Variants in ADAM23 observed in about 807,000 individuals in gnomAD.
ADAM23 encodes ADAM metallopeptidase domain 23, also known as disintegrin and metalloproteinase domain-containing protein 23.
A neutral mutation model predicts 120.1 loss-of-function variants in ADAM23; 33 were observed. The observed-to-expected ratio is 0.27, with a 90% confidence interval of 0.21 to 0.37. ADAM23 has a LOEUF of 0.37. Ranked by LOEUF, ADAM23 falls within the 10% of genes least tolerant of loss-of-function variation. The probability of loss-of-function intolerance (pLI) is 1.00; values close to 1 mark genes in which losing one functional copy is unlikely to be tolerated. For synonymous variants in ADAM23, 367 were observed against 375.2 expected (o/e 0.98, Z 0.25); for missense variants, 862 against 1,058.2 (o/e 0.81, Z 2.57).
intron 3 of ADAM23, among the ~76,000 whole-genome samples, chr2:206,483,530 A>G (rs1695940971): frequency 6.6e-6 from 1 of 152,142 alleles, no homozygotes; most frequent in African/African-American, 2.4e-5. Context: ...AGGAGACAGA[A>G]GCTGAGAAGA....
At chr2:206,497,706 T>A (rs1177638883) in intron 3 of ADAM23, among the ~76,000 whole-genome samples, 1 of 152,140 alleles carries the variant, frequency 6.6e-6, no homozygotes, top group Non-Finnish European at 1.5e-5. Context: ...ATAGAGGAAG[T>A]CAAGTTGTCC....
chr2:206,609,959 G>A lies in ADAM23; in HGVS notation c.2409G>A (p.Leu803=). The change falls in exon 25 of 26, where the codon CTG becomes CTA. Residue 803 remains leucine (L), a synonymous_variant. Coordinates refer to ENST00000264377, the MANE Select transcript of ADAM23 (RefSeq NM_003812.4). ...LIIGSIAGAI[L]VAAIVLGGTG... ...TAGGCTCCATCGCTGGTGCCATCCT[G>A]GTAGCAGCTATTGTCCTTGGGGGCA... is the stretch of plus-strand genomic sequence containing the variant. 2 of 1,598,340 alleles carry A rather than the reference G, an allele frequency of 1.3e-6. No homozygotes were observed. The highest frequency in any genetic ancestry group is 1.7e-4 in the Middle Eastern group (1 of 6,020).
Position 206,464,193 on chromosome 2 carries a change from G to A in ADAM23, c.433-17039G>A, listed in dbSNP as rs114108438. The stretch of plus-strand genomic sequence containing the variant: ...GATTATATTTAACTGTTGAAAGAAC[G>A]AAACTTCCCATTTTTGTTTGCATCA... On this transcript the variant is annotated intron_variant, in intron 2 of 25. Transcript: ENST00000264377. Among the ~76,000 whole-genome samples the A allele has an allele frequency of 6.0e-3, 915 of 152,224 alleles. 17 individuals carry two copies. The highest frequency in any genetic ancestry group is 0.019 in the African/African-American group (795 of 41,544).
At chr2:206,575,960 G>T (rs929142754) in intron 18 of ADAM23, among the ~76,000 whole-genome samples, 3 of 151,732 alleles carry the variant, frequency 2.0e-5, no homozygotes, top group Non-Finnish European at 4.4e-5. Context: ...GAGAAAGAAG[G>T]GTTCCTAAGT....
chr2:206,525,432 T>C (rs2105793461), intron 3 of ADAM23, among the ~76,000 whole-genome samples: 1 of 152,328 alleles, frequency 6.6e-6, no homozygotes, highest in Middle Eastern at 3.4e-3. Flanking sequence ...ATTTCCTTTG[T>C]GGTCCAATGT....
rs561617519 is a variant in ADAM23 at position 206,601,140 on chromosome 2, C to G, written c.2359+4978C>G. The stretch of plus-strand genomic sequence containing the variant: ...TGTATGTAGACACATTCTCAAGGTG[C>G]TTACTATAGAATACAGTGGAACTTT... On this transcript the variant is annotated intron_variant, in intron 24 of 25. Transcript: ENST00000264377. Among the ~76,000 whole-genome samples, 5 of 152,306 alleles carry G rather than the reference C, an allele frequency of 3.3e-5. No homozygotes were observed. The South Asian group carries it at 1.0e-3, about 32-fold the overall frequency.
intron 18 of ADAM23, among the ~76,000 whole-genome samples, chr2:206,582,892 T>C (rs1333065594): frequency 1.3e-5 from 2 of 152,218 alleles, no homozygotes; most frequent in Non-Finnish European, 2.9e-5. Context: ...CAATCCCTTT[T>C]AGCTTGTAGA....
At chr2:206,555,713 A>G (rs1044873740) in intron 9 of ADAM23, among the ~76,000 whole-genome samples, 1 of 152,208 alleles carries the variant, frequency 6.6e-6, no homozygotes, top group Admixed American at 6.5e-5. Context: ...ATAAAAAGAA[A>G]TCTCAATAAA....
At chr2:206,512,698 A>G (rs1032753857) in intron 3 of ADAM23, among the ~76,000 whole-genome samples, 6 of 152,206 alleles carry the variant, frequency 3.9e-5, no homozygotes, top group African/African-American at 7.2e-5. Flanking sequence ...CTTGAACTAT[A>G]TAAAATGAGT....
chr2:206,507,817 C>T (rs1696526487), intron 3 of ADAM23, among the ~76,000 whole-genome samples: 2 of 152,054 alleles, frequency 1.3e-5, no homozygotes, highest in Admixed American at 6.6e-5. Context: ...TTTAAGCTTT[C>T]CTGGGTCTTT....
intron 21 of ADAM23, among the ~76,000 whole-genome samples, chr2:206,591,973 C>A (rs1237989983): frequency 6.6e-6 from 1 of 152,084 alleles, no homozygotes; most frequent in Non-Finnish European, 1.5e-5. Flanking sequence ...CACTTCAATT[C>A]TTTGCCCATT....
chr2:206,490,301 C>T (rs551297773), intron 3 of ADAM23, among the ~76,000 whole-genome samples: 65 of 152,292 alleles, frequency 4.3e-4, no homozygotes, highest in Non-Finnish European at 7.3e-4. Context: ...GTTAAACTAC[C>T]AGTCTGTGGT....
intron 2 of ADAM23, among the ~76,000 whole-genome samples, chr2:206,446,862 A>T (rs1276893922): frequency 6.6e-6 from 1 of 152,158 alleles, no homozygotes; most frequent in Non-Finnish European, 1.5e-5. Flanking sequence ...TATTGATAGG[A>T]GAAATGGGTG....
intron 3 of ADAM23, among the ~76,000 whole-genome samples, chr2:206,530,669 C>CTT (rs56206262): frequency 0.013 from 992 of 74,810 alleles, 26 homozygotes; most frequent in South Asian, 0.026. Context: ...TGTGTCTTGT[C>CTT]TTTTTTTTTT....
chr2:206,530,017 G>C (rs1434653896), intron 3 of ADAM23, among the ~76,000 whole-genome samples: 1 of 152,140 alleles, frequency 6.6e-6, no homozygotes, highest in Non-Finnish European at 1.5e-5. Context: ...CACCATATTA[G>C]CCAGGATGGT....
intron 2 of ADAM23, among the ~76,000 whole-genome samples, chr2:206,477,990 A>G (rs910745598): frequency 1.7e-4 from 25 of 150,406 alleles, no homozygotes; most frequent in African/African-American, 5.9e-4. Context: ...AAATGGGCAT[A>G]TATAAAAACT....
intron 18 of ADAM23, among the ~76,000 whole-genome samples, chr2:206,580,557 G>A (rs1217621418): frequency 6.6e-6 from 1 of 152,082 alleles, no homozygotes; most frequent in Non-Finnish European, 1.5e-5. Context: ...CTGCATCCCT[G>A]GTACGAAACC....
intron 3 of ADAM23, among the ~76,000 whole-genome samples, chr2:206,497,759 A>T (rs1039110280): frequency 1.4e-4 from 22 of 152,266 alleles, no homozygotes; most frequent in Admixed American, 7.8e-4. Flanking sequence ...AAACCCCATC[A>T]TCTCAGCCCA....
intron 19 of ADAM23, 135 bp from the exon 20 acceptor site, chr2:206,587,956 A>T: frequency 2.5e-6 from 2 of 806,454 alleles, no homozygotes; most frequent in Non-Finnish European, 4.1e-6. Context: ...TGTGATCCTT[A>T]CTGGTCACTA....
Sources: gnomAD v4.1 joint callset for allele counts (sites outside exome capture counted in the v4.1 genomes callset) on GRCh38, gnomAD v4.1.1 for gene constraint, MANE v1.5 for transcripts, NCBI Gene and HGNC (gene_info 2026-07-23, HGNC 2026-07-21) for gene names.